Variants in SNTB1 observed in about 807,000 individuals in gnomAD.
The protein encoded by SNTB1 is syntrophin beta 1.
In SNTB1, 36 loss-of-function variants were observed where a neutral mutation model predicts 48.9. The observed-to-expected ratio is 0.74, with a 90% CI of 0.56 to 0.97. SNTB1 has a LOEUF of 0.97. Ranked by LOEUF, SNTB1 falls within the 50% of genes least tolerant of loss-of-function variation. SNTB1 has a pLI of 0.00. For missense variants in SNTB1, 786 were observed against 703.4 expected (o/e 1.12, Z -1.33); for synonymous variants, 299 against 294.6 (o/e 1.01, Z -0.15).
chr8:120,716,311 A>T (rs1386065692), intron 1 of SNTB1, among the ~76,000 whole-genome samples: 1 of 152,210 alleles, frequency 6.6e-6, no homozygotes, highest in African/African-American at 2.4e-5. Context: ...CTTGAAATAT[A>T]CTTCAAAGTG....
intron 3 of SNTB1, among the ~76,000 whole-genome samples, chr8:120,614,294 G>A (rs1816672505): frequency 6.6e-6 from 1 of 152,178 alleles, no homozygotes; most frequent in Non-Finnish European, 1.5e-5. Context: ...CTGGTGGAGT[G>A]TATAATCAAT....
rs138777735 is a variant in SNTB1 at position 120,694,559 on chromosome 8, A to G, written c.572-651T>C. 9.3e-3 allele frequency among the ~76,000 whole-genome samples: 1,416 copies of G among 151,460 alleles called. 10 individuals are homozygous for G. The highest frequency in any genetic ancestry group is 0.016 in the Non-Finnish European group (1,115 of 67,826). ...TATATATATCATTAATTCTTAATATATATCATTAATTCTTTATATATATAT... is the reference window on the plus strand; with the variant it reads ...TATATATATCATTAATTCTTAATATGTATCATTAATTCTTTATATATATAT... On this transcript the variant is annotated intron_variant, in intron 1 of 6. Transcript: ENST00000517992.
At chr8:120,655,996 A>C (rs1486157487) in intron 2 of SNTB1, among the ~76,000 whole-genome samples, 2 of 152,200 alleles carry the variant, frequency 1.3e-5, no homozygotes, top group Non-Finnish European at 2.9e-5. Flanking sequence ...AGGTGACAAC[A>C]GGGGTATTTT....
chr8:120,695,254 A>C (rs777805599), intron 1 of SNTB1, among the ~76,000 whole-genome samples: 7 of 152,264 alleles, frequency 4.6e-5, no homozygotes, highest in Non-Finnish European at 8.8e-5. Flanking sequence ...CGGTTCCACC[A>C]ACTAGTGCCT....
chr8:120,649,165 C>T (rs1048238824), intron 2 of SNTB1, among the ~76,000 whole-genome samples: 1 of 150,972 alleles, frequency 6.6e-6, no homozygotes, highest in Non-Finnish European at 1.5e-5. Context: ...CTTCTCTCAG[C>T]TCGTCAAAGT....
intron 1 of SNTB1, among the ~76,000 whole-genome samples, chr8:120,701,688 T>C (rs559051472): frequency 2.0e-5 from 3 of 152,338 alleles, no homozygotes; most frequent in East Asian, 3.9e-4. Flanking sequence ...AGAAGAATCA[T>C]TATTTTCATT....
At chr8:120,544,591 G>A (rs1159990354) in intron 5 of SNTB1, among the ~76,000 whole-genome samples, 3 of 152,094 alleles carry the variant, frequency 2.0e-5, no homozygotes, top group Admixed American at 1.3e-4. Context: ...TGTCAAAGCA[G>A]AGTTCAGCTT....
intron 2 of SNTB1, among the ~76,000 whole-genome samples, chr8:120,670,315 G>A (rs1817738860): frequency 6.6e-6 from 1 of 152,146 alleles, no homozygotes; most frequent in Non-Finnish European, 1.5e-5. Flanking sequence ...AGTCAGAAAG[G>A]GCTAGCTCAA....
At chr8:120,616,483 T>G (rs1169387745) in intron 3 of SNTB1, among the ~76,000 whole-genome samples, 13 of 151,182 alleles carry the variant, frequency 8.6e-5, no homozygotes, top group Admixed American at 7.3e-4. Flanking sequence ...AAAAGTTTTT[T>G]TTTTTTTTTT....
chr8:120,772,019 G>A (rs1370367434), intron 1 of SNTB1, among the ~76,000 whole-genome samples: 1 of 151,634 alleles, frequency 6.6e-6, no homozygotes, highest in Non-Finnish European at 1.5e-5. Flanking sequence ...ACAGGCATGT[G>A]CCACCACACC....
chr8:120,788,028 T>G (rs1819955087), intron 1 of SNTB1, among the ~76,000 whole-genome samples: 1 of 152,182 alleles, frequency 6.6e-6, no homozygotes, highest in African/African-American at 2.4e-5. Context: ...AACAGGAGAC[T>G]TCTGAGTAGA....
intron 3 of SNTB1, among the ~76,000 whole-genome samples, chr8:120,589,748 T>A (rs1816208220): frequency 6.6e-6 from 1 of 152,144 alleles, no homozygotes; most frequent in South Asian, 2.1e-4. Context: ...CAGGACCTAA[T>A]GACCCCTCAT....
intron 2 of SNTB1, among the ~76,000 whole-genome samples, chr8:120,668,573 A>G (rs1225604496): frequency 1.3e-5 from 2 of 152,178 alleles, no homozygotes; most frequent in Non-Finnish European, 2.9e-5. Context: ...GGCAGCTTCT[A>G]TGTACCAGTT....
chr8:120,759,796 A>G (rs1325194838), intron 1 of SNTB1, among the ~76,000 whole-genome samples: 1 of 152,210 alleles, frequency 6.6e-6, no homozygotes, highest in Non-Finnish European at 1.5e-5. Flanking sequence ...GTTCCCCACA[A>G]GCCTAGAGTC....
intron 3 of SNTB1, among the ~76,000 whole-genome samples, chr8:120,611,549 T>C (rs1816621613): frequency 1.3e-5 from 2 of 151,316 alleles, no homozygotes; most frequent in African/African-American, 2.4e-5. Flanking sequence ...CCAGGCCAGG[T>C]GCGGTAGCTC....
intron 3 of SNTB1, among the ~76,000 whole-genome samples, chr8:120,582,816 C>A (rs1486050218): frequency 6.6e-6 from 1 of 151,988 alleles, no homozygotes; most frequent in Non-Finnish European, 1.5e-5. Context: ...GCATGCGGGG[C>A]TTAAAACCTA....
intron 2 of SNTB1, among the ~76,000 whole-genome samples, chr8:120,680,821 A>G (rs762011935): frequency 3.9e-5 from 6 of 152,248 alleles, no homozygotes; most frequent in Non-Finnish European, 8.8e-5. Flanking sequence ...AAAATCCTTC[A>G]GCACCCAGAT....
chr8:120,610,938 A>G (rs938079541), intron 3 of SNTB1, among the ~76,000 whole-genome samples: 1 of 152,136 alleles, frequency 6.6e-6, no homozygotes, highest in African/African-American at 2.4e-5. Flanking sequence ...ATACCTGACT[A>G]CTACCTACTG....
At chr8:120,629,442 T>C (rs1816943143) in intron 3 of SNTB1, among the ~76,000 whole-genome samples, 1 of 152,128 alleles carries the variant, frequency 6.6e-6, no homozygotes, top group South Asian at 2.1e-4. Context: ...AAAATCAAAA[T>C]ATAACAATAT....
Sources: allele counts gnomAD v4.1 joint callset (sites outside exome capture counted in the v4.1 genomes callset), GRCh38; gene constraint gnomAD v4.1.1; transcripts MANE v1.5; gene names NCBI Gene and HGNC (gene_info 2026-07-23, HGNC 2026-07-21).